The following SLCO4A1 variants were observed in gnomAD, a reference collection of about 807,000 sequenced individuals.
The protein encoded by SLCO4A1 is solute carrier organic anion transporter family member 4A1.
A neutral mutation model predicts 64.6 loss-of-function variants in SLCO4A1; 51 were observed. The ratio of observed to expected loss-of-function variants is 0.79; its 90% CI spans 0.63 to 1.00. The LOEUF (loss-of-function observed/expected upper bound fraction) is 1.00. Ranked by LOEUF, SLCO4A1 falls within the 50% of genes least tolerant of loss-of-function variation. SLCO4A1 has a pLI of 0.00. For synonymous variants in SLCO4A1, 471 were observed against 444.9 expected (o/e 1.06, Z -0.74); for missense variants, 919 against 980.5 (o/e 0.94, Z 0.84).
chr20:62,656,324 G>A, intron 1 of SLCO4A1, 35 bp from the exon 2 acceptor site: 2 of 752,164 alleles, frequency 2.7e-6, no homozygotes, highest in Non-Finnish European at 4.2e-6. Context: ...CCCGTGGAGA[G>A]ACGTGAGCTT....
At chr20:62,689,205 T>C (rs7509237), downstream of SLCO4A1, among the ~76,000 whole-genome samples, 417 of 145,392 alleles carry the variant, frequency 2.9e-3, 2 homozygotes, top group African/African-American at 0.01. Flanking sequence ...CCTCATAGGC[T>C]TGTCCCTGGC....
intron 2 of SLCO4A1, among the ~76,000 whole-genome samples, chr20:62,684,280 C>T (rs1001496352): frequency 7.2e-5 from 11 of 152,248 alleles, no homozygotes; most frequent in Non-Finnish European, 4.4e-5. Context: ...ATACCACAGT[C>T]TCAGTTTCAC....
In SLCO4A1 at chr20:62,661,493, G is replaced by A. The variant is rs1601646351; in HGVS notation, c.1121+318G>A. On this transcript the variant is annotated intron_variant, in intron 5 of 11. Transcript: ENST00000217159. The surrounding 1 kb of genome is among the most constrained non-coding windows in gnomAD (Gnocchi z 5.2). Reference sequence around the variant, plus strand: ...GCGCCTGGCTCCCAGTGGCCACGGAGCAAATCCCTTCCACACCAGCAAGTC... The same window carrying A: ...GCGCCTGGCTCCCAGTGGCCACGGAACAAATCCCTTCCACACCAGCAAGTC... Among the ~76,000 whole-genome samples the A allele has an allele frequency of 6.6e-6, 1 of 152,122 alleles. No homozygotes were observed. Among genetic ancestry groups the A allele is most frequent in the Admixed American group, 6.5e-5 (1 of 15,278 alleles).
chr20:62,665,124 A>C, intron 6 of SLCO4A1, 36 bp downstream of exon 6: 1 of 1,580,102 alleles, frequency 6.3e-7, no homozygotes, highest in South Asian at 1.2e-5. Flanking sequence ...CTCTGCTTTT[A>C]TGTCAGTTCT....
Position 62,644,324 on chromosome 20 carries a change from G to A in SLCO4A1, c.-97+1771G>A, listed in dbSNP as rs983165491. On this transcript the variant is annotated intron_variant, in intron 1 of 11. Transcript: ENST00000217159. This position sits in a 1 kb window ranked among gnomAD's most constrained non-coding sequence, Gnocchi z 5.4. The stretch of plus-strand genomic sequence containing the variant: ...CCTTCCTGCTGGGCAAGGTCAGCAG[G>A]TGGTGCCTGGAAAATTCTTCATGAG... Among the ~76,000 whole-genome samples the A allele has an allele frequency of 6.6e-6, 1 of 152,254 alleles. No individual in the cohort carries two copies. The highest frequency in any genetic ancestry group is 2.4e-5 in the African/African-American group (1 of 41,464).
chr20:62,678,488 G>A lies in SLCO4A1; in HGVS notation n.212-6953G>A, dbSNP rs1040842560. Among the ~76,000 whole-genome samples the A allele has an allele frequency of 2.0e-5, 3 of 150,176 alleles. No individual in the cohort carries two copies. In the East Asian group the frequency reaches 5.8e-4, roughly 29 times the overall value. ...CACTCCTAGAGAAAGGCAAAATTAT[G>A]TTCACACAAAATCTTGTACACAAAT... On this transcript the variant is annotated intron_variant and non_coding_transcript_variant, in intron 2 of 2. Coordinates refer to the SLCO4A1 transcript ENST00000466818.
At chr20:62,655,624 C>T (rs968094603) in intron 1 of SLCO4A1, among the ~76,000 whole-genome samples, 5 of 152,234 alleles carry the variant, frequency 3.3e-5, no homozygotes, top group African/African-American at 7.2e-5. Context: ...GAAGGTGGCA[C>T]GTGGGCACGT....
chr20:62,671,679 G>A (rs551844259), intron 11 of SLCO4A1, 71 bp from the exon 12 acceptor site: 27 of 1,467,442 alleles, frequency 1.8e-5, no homozygotes, highest in Admixed American at 9.0e-5. Flanking sequence ...ACAGGACTGG[G>A]ACAGGCCCAC....
chr20:62,648,804 C>G (rs1215210159), intron 1 of SLCO4A1, among the ~76,000 whole-genome samples: 1 of 152,218 alleles, frequency 6.6e-6, no homozygotes, highest in African/African-American at 2.4e-5. Flanking sequence ...GCCTCTTGTC[C>G]CCACCGGCCA....
At chr20:62,667,184 T>A (rs1293010593) in intron 7 of SLCO4A1, among the ~76,000 whole-genome samples, 6 of 151,398 alleles carry the variant, frequency 4.0e-5, no homozygotes, top group Non-Finnish European at 8.8e-5. Context: ...CACAAAGGAG[T>A]GGAGGAAGCT....
chr20:62,666,464 T>A lies in SLCO4A1; in HGVS notation c.1361T>A (p.Val454Asp). 6.2e-7 allele frequency: 1 copy of A among 1,613,368 alleles called. No individual in the cohort carries two copies. Among genetic ancestry groups the A allele is most frequent in the Non-Finnish European group, 8.5e-7 (1 of 1,179,956 alleles). ...VNKLRLRGSA[V>D]IKFCLFCTVV... ...AAGCTCAGGCTCCGGGGCTCCGCGGTCATCAAGTTCTGCCTGTTCTGCACC... is the reference window on the plus strand; with the variant it reads ...AAGCTCAGGCTCCGGGGCTCCGCGGACATCAAGTTCTGCCTGTTCTGCACC... The change falls in exon 7 of 12, where the codon GTC (valine) becomes GAC (aspartate). Residue 454 changes from valine to aspartate, a missense_variant. Val to Asp is a radical substitution (Grantham distance 152). Transcript: ENST00000217159.
At chr20:62,677,379 A>G (rs8124973) in intron 2 of SLCO4A1, among the ~76,000 whole-genome samples, 27,623 of 152,184 alleles carry the variant, frequency 0.18, 2,736 homozygotes, top group African/African-American at 0.26. Flanking sequence ...CCTGTAGACC[A>G]TGGAGATCTG....
At chr20:62,664,260 A>AC (rs1985650764) in intron 5 of SLCO4A1, among the ~76,000 whole-genome samples, 2 of 150,070 alleles carry the variant, frequency 1.3e-5, no homozygotes, top group Non-Finnish European at 3.0e-5. Context: ...AGGCCTCACC[A>AC]CCCCCAGGGC....
At chr20:62,678,737 G>A (rs774429857) in intron 2 of SLCO4A1, among the ~76,000 whole-genome samples, 1 of 98,442 alleles carries the variant, frequency 1.0e-5, no homozygotes, top group Non-Finnish European at 2.0e-5. Flanking sequence ...AGCCGTGAGA[G>A]GGGGGCACTG....
chr20:62,659,858 G>A (rs79798465), intron 3 of SLCO4A1, among the ~76,000 whole-genome samples: 1,814 of 152,342 alleles, frequency 0.012, 34 homozygotes, highest in African/African-American at 0.041. Context: ...CTGTGAAGAC[G>A]CGTCCCTGGA....
chr20:62,648,526 G>C (rs535773358), intron 1 of SLCO4A1, among the ~76,000 whole-genome samples: 1 of 152,132 alleles, frequency 6.6e-6, no homozygotes, highest in Non-Finnish European at 1.5e-5. Flanking sequence ...CCGTGTGGCC[G>C]GAGCCCCAGG....
chr20:62,662,532 C>A (rs1985178026), intron 5 of SLCO4A1, among the ~76,000 whole-genome samples: 1 of 152,228 alleles, frequency 6.6e-6, no homozygotes, highest in Non-Finnish European at 1.5e-5. Context: ...AGAAATAAAT[C>A]ATGGGACATG....
Position 62,661,290 on chromosome 20 carries a change from C to T in SLCO4A1, c.1121+115C>T, listed in dbSNP as rs1984780504. On this transcript the variant is annotated intron_variant, in intron 5 of 11. Transcript: ENST00000217159. This position sits in a 1 kb window ranked among gnomAD's most constrained non-coding sequence, Gnocchi z 5.2. ...ATGATGGGGACGCAGCCCCTAACCT[C>T]TGTCGTGACCCTGGGCCAAGAGATT... is the stretch of plus-strand genomic sequence containing the variant. 1.4e-6 allele frequency: 1 copy of T among 726,882 alleles called. No individual in the cohort carries two copies. Among genetic ancestry groups the T allele is most frequent in the South Asian group, 1.6e-5 (1 of 64,024 alleles). 45.0% of individuals were successfully genotyped at this position (726,882 alleles called of 1,614,324 possible).
At chr20:62,653,654 A>G (rs1013349969) in intron 1 of SLCO4A1, among the ~76,000 whole-genome samples, 1 of 151,948 alleles carries the variant, frequency 6.6e-6, no homozygotes, top group Non-Finnish European at 1.5e-5. Flanking sequence ...CTCTGCCTCA[A>G]CCCCAAGGTC....
Sources: allele counts gnomAD v4.1 joint callset (sites outside exome capture counted in the v4.1 genomes callset), GRCh38; gene constraint gnomAD v4.1.1; non-coding constraint Gnocchi (gnomAD v3.1); transcripts MANE v1.5; gene names NCBI Gene and HGNC (gene_info 2026-07-23, HGNC 2026-07-21).